SLC4A4: variants seen among roughly 807,000 people sequenced by gnomAD.
The protein encoded by SLC4A4 is solute carrier family 4 member 4, also known as electrogenic sodium bicarbonate cotransporter 1.
In SLC4A4, 27 loss-of-function variants were observed where a neutral mutation model predicts 111.5. That is an observed-to-expected ratio of 0.24 (90% confidence interval 0.18 to 0.33). The LOEUF is 0.33. Ranked by LOEUF, SLC4A4 falls within the 10% of genes least tolerant of loss-of-function variation. The pLI is 1.00. For missense variants in SLC4A4, 909 were observed against 1,315.5 expected (o/e 0.69, Z 4.78); for synonymous variants, 443 against 463.4 (o/e 0.96, Z 0.57).
intron 1 of SLC4A4, among the ~76,000 whole-genome samples, chr4:71,198,506 A>C (rs1201208720): frequency 6.6e-6 from 1 of 152,226 alleles, no homozygotes; most frequent in Admixed American, 6.5e-5. Context: ...GCTGCATATC[A>C]TGAGAATGGA....
chr4:71,453,927 T>C (rs936487464), intron 12 of SLC4A4, among the ~76,000 whole-genome samples: 1 of 152,120 alleles, frequency 6.6e-6, no homozygotes, highest in African/African-American at 2.4e-5. Context: ...ACAATTCTAT[T>C]TGGGCAAAAG....
At chr4:71,081,468 A>G (rs1234945110) in intron 1 of SLC4A4, among the ~76,000 whole-genome samples, 2 of 151,928 alleles carry the variant, frequency 1.3e-5, no homozygotes, top group African/African-American at 4.8e-5. Context: ...GGTACTCCAC[A>G]CCCCCACCAT....
At chr4:71,291,735 C>A (rs184337326) in intron 3 of SLC4A4, among the ~76,000 whole-genome samples, 2 of 152,294 alleles carry the variant, frequency 1.3e-5, no homozygotes, top group East Asian at 3.9e-4. Flanking sequence ...CTATGCAATT[C>A]TCAAGTTGTT....
At chr4:71,128,445 T>C (rs984209345) in intron 2 of SLC4A4, among the ~76,000 whole-genome samples, 2 of 151,900 alleles carry the variant, frequency 1.3e-5, no homozygotes, top group African/African-American at 4.8e-5. Flanking sequence ...CCAAACCATA[T>C]CAAAGACCCT....
intron 2 of SLC4A4, among the ~76,000 whole-genome samples, chr4:71,161,936 C>T (rs1339420669): frequency 6.6e-6 from 1 of 152,056 alleles, no homozygotes; most frequent in Non-Finnish European, 1.5e-5. Context: ...TAATTCTGAC[C>T]ATACTCCTAT....
intron 2 of SLC4A4, among the ~76,000 whole-genome samples, chr4:71,173,314 G>A (rs1211745786): frequency 6.6e-6 from 1 of 152,236 alleles, no homozygotes; most frequent in African/African-American, 2.4e-5. Context: ...GTTGAAATGA[G>A]AGAAGTAGAT....
intron 13 of SLC4A4, among the ~76,000 whole-genome samples, chr4:71,470,989 C>A (rs1158507156): frequency 6.6e-6 from 1 of 152,026 alleles, no homozygotes; most frequent in Non-Finnish European, 1.5e-5. Context: ...GACACCCTAA[C>A]AGAAACACCC....
At chr4:71,124,942 A>C (rs1487499000) in intron 2 of SLC4A4, among the ~76,000 whole-genome samples, 2 of 152,240 alleles carry the variant, frequency 1.3e-5, no homozygotes, top group Non-Finnish European at 2.9e-5. Context: ...TCCTACACAG[A>C]TATTGATACA....
At position 71,349,892 on chromosome 4, in the gene SLC4A4, C is replaced by T; in HGVS notation, c.390-20C>T. Reference sequence around the variant, plus strand: ...AGTTAGAACACTTTTAATTGCTCTTCACTAATCTCATCTTCCTAGGTGGAT... The same window carrying T: ...AGTTAGAACACTTTTAATTGCTCTTTACTAATCTCATCTTCCTAGGTGGAT... On this transcript the variant is annotated intron_variant, in intron 4 of 25. Coordinates refer to ENST00000264485, the MANE Select transcript of SLC4A4 (RefSeq NM_001098484.3). The T allele has an allele frequency of 6.2e-7, 1 of 1,613,610 alleles. No individual in the cohort carries two copies. Among genetic ancestry groups the T allele is most frequent in the East Asian group, 2.2e-5 (1 of 44,874 alleles).
At chr4:71,139,711 A>G (rs531856852) in intron 2 of SLC4A4, among the ~76,000 whole-genome samples, 5 of 152,034 alleles carry the variant, frequency 3.3e-5, no homozygotes, top group African/African-American at 1.2e-4. Context: ...TTATTTATTT[A>G]TTTCACTGAT....
intron 7 of SLC4A4, among the ~76,000 whole-genome samples, chr4:71,440,086 C>G (rs1180614945): frequency 6.6e-6 from 1 of 152,060 alleles, no homozygotes; most frequent in African/African-American, 2.4e-5. Context: ...TATCTTTACT[C>G]CAGTGTCAAA....
At chr4:71,178,474 A>G (rs1392314855) in intron 2 of SLC4A4, among the ~76,000 whole-genome samples, 3 of 152,200 alleles carry the variant, frequency 2.0e-5, no homozygotes, top group Non-Finnish European at 4.4e-5. Context: ...CTAATAAAGA[A>G]GAAAAGAGAG....
intron 3 of SLC4A4, among the ~76,000 whole-genome samples, chr4:71,257,202 T>C (rs1446712701): frequency 6.6e-6 from 1 of 152,192 alleles, no homozygotes; most frequent in Non-Finnish European, 1.5e-5. Context: ...ATCCATTCTC[T>C]TTCCCCTCAG....
At chr4:71,290,719 T>G (rs1425949150) in intron 3 of SLC4A4, among the ~76,000 whole-genome samples, 2 of 152,222 alleles carry the variant, frequency 1.3e-5, no homozygotes, top group Non-Finnish European at 2.9e-5. Context: ...AGATTTCTCA[T>G]ATTATACAAA....
At chr4:71,501,351 G>A (rs1422743576) in intron 16 of SLC4A4, among the ~76,000 whole-genome samples, 1 of 151,720 alleles carries the variant, frequency 6.6e-6, no homozygotes, top group Non-Finnish European at 1.5e-5. Context: ...TTTTGGTGGA[G>A]TCTTTATGTA....
At chr4:71,079,679 G>A (rs1741940070) in intron 1 of SLC4A4, among the ~76,000 whole-genome samples, 1 of 152,026 alleles carries the variant, frequency 6.6e-6, no homozygotes, top group Non-Finnish European at 1.5e-5. Flanking sequence ...GGGAGGCTGT[G>A]GTGGGAGGAT....
intron 7 of SLC4A4, 98 bp downstream of exon 7, chr4:71,397,751 G>A (rs1719960303): frequency 1.9e-6 from 2 of 1,053,374 alleles, no homozygotes; most frequent in Admixed American, 1.7e-5. Flanking sequence ...ACTTAAAATG[G>A]ACCTTTACGT....
intron 3 of SLC4A4, among the ~76,000 whole-genome samples, chr4:71,329,840 C>T (rs1727822389): frequency 6.6e-6 from 1 of 152,076 alleles, no homozygotes; most frequent in Admixed American, 6.5e-5. Flanking sequence ...GCTAGGACTT[C>T]TAGTACTGTG....
chr4:71,486,760 TC>T (rs1729440757), intron 14 of SLC4A4, among the ~76,000 whole-genome samples, 187 bp from the exon 15 acceptor site: 2 of 151,460 alleles, frequency 1.3e-5, no homozygotes, highest in Non-Finnish European at 1.5e-5. Context: ...AGCAGATGTG[TC>T]CAAATCTTTG....
Sources: gnomAD v4.1 joint callset for allele counts (sites outside exome capture counted in the v4.1 genomes callset) on GRCh38, gnomAD v4.1.1 for gene constraint, MANE v1.5 for transcripts, NCBI Gene and HGNC (gene_info 2026-07-23, HGNC 2026-07-21) for gene names.